The following PCDH15 variants were observed in gnomAD, a reference collection of about 807,000 sequenced individuals.
The protein encoded by PCDH15 is protocadherin-15.
In PCDH15, 129 loss-of-function variants were observed where a neutral mutation model predicts 178.5. The observed-to-expected ratio is 0.72, with a 90% CI of 0.63 to 0.84. The LOEUF is 0.84. Among genes scored for constraint, PCDH15 ranks in the 40% least tolerant of loss-of-function variants. PCDH15 has a pLI of 0.00. For missense variants in PCDH15, 2,230 were observed against 2,099.9 expected (o/e 1.06, Z -1.21); for synonymous variants, 800 against 732.0 (o/e 1.09, Z -1.50).
chr10:54,534,190 C>T (rs1403060953), intron 2 of PCDH15, among the ~76,000 whole-genome samples: 2 of 151,768 alleles, frequency 1.3e-5, no homozygotes, highest in East Asian at 3.9e-4. Flanking sequence ...CTATTTTTTT[C>T]CTTTCATGCA....
chr10:54,083,400 G>A (rs2094465568), intron 16 of PCDH15, among the ~76,000 whole-genome samples: 1 of 152,164 alleles, frequency 6.6e-6, no homozygotes, highest in Non-Finnish European at 1.5e-5. Flanking sequence ...TTATGAATAG[G>A]TAAACAAATT....
intron 2 of PCDH15, among the ~76,000 whole-genome samples, chr10:54,988,265 G>C (rs1287584683): frequency 6.6e-6 from 1 of 152,058 alleles, no homozygotes; most frequent in Non-Finnish European, 1.5e-5. Context: ...GGTTTGTTTT[G>C]GTTATTATAG....
chr10:55,270,642 A>G (rs1257800712), intron 1 of PCDH15, among the ~76,000 whole-genome samples: 2 of 151,976 alleles, frequency 1.3e-5, no homozygotes, highest in Non-Finnish European at 2.9e-5. Context: ...TAAAAAAACA[A>G]CAGATGCTGA....
intron 2 of PCDH15, among the ~76,000 whole-genome samples, chr10:55,146,222 C>T (rs1421358047): frequency 6.6e-6 from 1 of 151,968 alleles, no homozygotes; most frequent in East Asian, 1.9e-4. Flanking sequence ...CAACTTGTTT[C>T]GCCAAATGAC....
rs573103634 is a variant in PCDH15, at chr10:54,547,560, G to T, written c.92-19683C>A. ...TACACAGCACAAATTCTGCAACTTG[G>T]CTATTTCTCTGCATTATTATGTTTT... On this transcript the variant is annotated intron_variant, in intron 2 of 37. Transcript: ENST00000644397. 1.6e-4 allele frequency among the ~76,000 whole-genome samples: 24 copies of T among 152,158 alleles called. No homozygotes were observed. The East Asian group carries it at 4.2e-3, about 27-fold the overall frequency.
Position 55,334,297 on chromosome 10 carries a change from T to A in PCDH15, c.-155-167646A>T, listed in dbSNP as rs183592116. On this transcript the variant is annotated intron_variant, in intron 2 of 5. Transcript: ENST00000613346. ...GTGTGTGTGTGTGTATGTGTATATATCTATATATATATATATATTTTTTTT... is the reference window on the plus strand; with the variant it reads ...GTGTGTGTGTGTGTATGTGTATATAACTATATATATATATATATTTTTTTT... 1.5e-3 allele frequency among the ~76,000 whole-genome samples: 186 copies of A among 127,908 alleles called. 1 individual carries two copies. The highest frequency in any genetic ancestry group is 5.9e-3 in the African/African-American group (176 of 29,712). 83.9% of individuals were successfully genotyped at this position (127,908 alleles called of 152,430 possible). A position where few individuals can be genotyped will look rare whatever the true frequency, so the allele number is the denominator to read the frequency against.
At chr10:54,582,857 C>T (rs1421246179) in intron 2 of PCDH15, among the ~76,000 whole-genome samples, 1 of 152,046 alleles carries the variant, frequency 6.6e-6, no homozygotes, top group Non-Finnish European at 1.5e-5. Flanking sequence ...TGCCACTGCA[C>T]TCTAGGCAAT....
Position 55,551,233 on chromosome 10 carries a change from G to C in PCDH15, c.-156+76392C>G, listed in dbSNP as rs1034187818. Among the ~76,000 whole-genome samples, 3 of 152,022 alleles carry C rather than the reference G, an allele frequency of 2.0e-5. No homozygotes were observed. In the South Asian group the frequency reaches 6.2e-4, roughly 32 times the overall value. ...ATGAAAATAGAAGCTATCTGTAGTA[G>C]GTAGTAGTTTTAACCTCAAGATTTT... On this transcript the variant is annotated intron_variant, in intron 2 of 5. Transcript: ENST00000613346.
At chr10:54,123,352 G>A (rs2041720341) in intron 15 of PCDH15, among the ~76,000 whole-genome samples, 2 of 151,998 alleles carry the variant, frequency 1.3e-5, no homozygotes, top group African/African-American at 4.8e-5. Context: ...ATCAAAAAAT[G>A]AGTAAAAGAC....
chr10:54,912,805 G>C (rs1954839894), intron 2 of PCDH15, among the ~76,000 whole-genome samples: 1 of 152,154 alleles, frequency 6.6e-6, no homozygotes, highest in Non-Finnish European at 1.5e-5. Flanking sequence ...TTGTTAAATT[G>C]TTGTGACCAA....
chr10:54,430,049 C>CA (rs1956778578), intron 3 of PCDH15, among the ~76,000 whole-genome samples: 1 of 119,544 alleles, frequency 8.4e-6, no homozygotes, highest in South Asian at 2.6e-4. Flanking sequence ...CCTTCTTCTC[C>CA]TTTTTTTTTT....
chr10:53,857,347 T>A, intron 27 of PCDH15, 84 bp from the exon 28 acceptor site: 1 of 926,592 alleles, frequency 1.1e-6, no homozygotes, highest in South Asian at 1.3e-5. Flanking sequence ...ACCTCTTCCC[T>A]ACTATGCATA....
intron 2 of PCDH15, among the ~76,000 whole-genome samples, chr10:54,622,592 A>AATATATAATATATATAATTATATATAAT (rs2093389920): frequency 2.2e-5 from 1 of 46,180 alleles, no homozygotes; most frequent in Non-Finnish European, 4.3e-5. Flanking sequence ...TAATATATAT[A>AATATATAATATATATAATTATATATAAT]ATATATAATA....
intron 32 of PCDH15, chr10:53,823,192 T>C (rs751509397): frequency 6.2e-7 from 1 of 1,614,098 alleles, no homozygotes; most frequent in Non-Finnish European, 8.5e-7. Flanking sequence ...AATGTGAATT[T>C]TCTTGCAGAC....
intron 2 of PCDH15, among the ~76,000 whole-genome samples, chr10:55,356,757 A>C (rs1845090468): frequency 6.6e-6 from 1 of 151,878 alleles, no homozygotes. Context: ...GACTATATTT[A>C]TTTTTCAGAT....
chr10:55,256,429 C>T (rs1269473447), intron 1 of PCDH15, among the ~76,000 whole-genome samples: 4 of 152,144 alleles, frequency 2.6e-5, no homozygotes, highest in South Asian at 2.1e-4. Context: ...GGCGAGGCAT[C>T]GCCTCACCCG....
rs2078805937 is a variant in PCDH15, at chr10:53,857,184, T to G, written c.3797A>C (p.Asp1266Ala). 4 of 1,594,616 alleles carry G rather than the reference T, an allele frequency of 2.5e-6. No homozygotes were observed. The highest frequency in any genetic ancestry group is 3.4e-6 in the Non-Finnish European group (4 of 1,162,878). Reference sequence around the variant, plus strand: ...AGACAAAATCAATTACTCTGTAAGATCTTCTATCTTTTTTTCCACTAGAGT... The same window carrying G: ...AGACAAAATCAATTACTCTGTAAGAGCTTCTATCTTTTTTTCCACTAGAGT... ...PPTLVEKKIEDLTEILDRYVQ... is the reference protein window; with the variant it reads ...PPTLVEKKIEALTEILDRYVQ... Residue 1266 changes from aspartate (D) to alanine (A), a missense_variant, in exon 28 of 38, where the codon GAT becomes GCT. By Grantham distance (126) the Asp-to-Ala change is moderately radical (BLOSUM62 -2). Transcript: ENST00000644397.
intron 3 of PCDH15, among the ~76,000 whole-genome samples, chr10:54,839,140 A>G (rs1438549595): frequency 5.3e-5 from 8 of 152,164 alleles, no homozygotes; most frequent in African/African-American, 9.6e-5. Context: ...ACAGGCAAAC[A>G]TGATACCACC....
chr10:55,097,592 A>G (rs1842476079), intron 2 of PCDH15, among the ~76,000 whole-genome samples: 1 of 152,168 alleles, frequency 6.6e-6, no homozygotes, highest in Non-Finnish European at 1.5e-5. Flanking sequence ...GTGCACTTAC[A>G]GACAGTTGTA....
Sources: allele counts gnomAD v4.1 joint callset (sites outside exome capture counted in the v4.1 genomes callset), GRCh38; gene constraint gnomAD v4.1.1; transcripts MANE v1.5; gene names NCBI Gene and HGNC (gene_info 2026-07-23, HGNC 2026-07-21).